ROCK2: variants seen among roughly 807,000 people sequenced by gnomAD.
The protein encoded by ROCK2 is rho-associated protein kinase 2.
A neutral mutation model predicts 195.1 loss-of-function variants in ROCK2; 61 were observed. The ratio of observed to expected loss-of-function variants is 0.31; its 90% CI spans 0.25 to 0.39. The LOEUF is 0.39. Ranked by LOEUF, ROCK2 falls within the 10% of genes least tolerant of loss-of-function variation. The probability of loss-of-function intolerance (pLI) is 1.00; values close to 1 mark genes in which losing one functional copy is unlikely to be tolerated. For synonymous variants in ROCK2, 504 were observed against 545.5 expected (o/e 0.92, Z 1.06); for missense variants, 1,109 against 1,637.4 (o/e 0.68, Z 5.57).
chr2:11,242,288 C>T (rs1313428863), intron 4 of ROCK2, among the ~76,000 whole-genome samples: 1 of 152,070 alleles, frequency 6.6e-6, no homozygotes, highest in Non-Finnish European at 1.5e-5. Flanking sequence ...ACACAAAAGG[C>T]CATTAACCAT....
chr2:11,204,193 G>A (rs1663964137), intron 20 of ROCK2, among the ~76,000 whole-genome samples: 1 of 152,002 alleles, frequency 6.6e-6, no homozygotes, highest in African/African-American at 2.4e-5. Flanking sequence ...ATAAGTTTTA[G>A]ATATTATTTG....
upstream of ROCK2, among the ~76,000 whole-genome samples, chr2:11,345,102 G>C (rs2148288435): frequency 6.6e-6 from 1 of 152,190 alleles, no homozygotes. Context: ...CCAAATAATA[G>C]CGACCGAGCT....
intron 20 of ROCK2, among the ~76,000 whole-genome samples, chr2:11,205,193 T>C (rs1050550661): frequency 2.0e-5 from 3 of 152,160 alleles, no homozygotes; most frequent in Non-Finnish European, 4.4e-5. Flanking sequence ...AAAACCTTAG[T>C]GGTGGGAGGT....
At chr2:11,303,129 T>C (rs1232441245) in intron 1 of ROCK2, among the ~76,000 whole-genome samples, 2 of 152,268 alleles carry the variant, frequency 1.3e-5, no homozygotes, top group South Asian at 2.1e-4. Flanking sequence ...CAAATTTTTA[T>C]CTATTCTTCA....
intron 17 of ROCK2, 67 bp downstream of exon 17, chr2:11,214,290 G>A (rs1190392909): frequency 4.6e-6 from 4 of 876,366 alleles, no homozygotes; most frequent in East Asian, 4.9e-5. Context: ...CCTTAGTTTA[G>A]AATAACTTTT....
At chr2:11,205,207 T>C (rs1011273561) in intron 20 of ROCK2, among the ~76,000 whole-genome samples, 1 of 152,192 alleles carries the variant, frequency 6.6e-6, no homozygotes, top group South Asian at 2.1e-4. Context: ...GGGAGGTGCC[T>C]GGCTGCAGAC....
At chr2:11,209,259 T>C (rs1664167629) in intron 18 of ROCK2, among the ~76,000 whole-genome samples, 1 of 152,152 alleles carries the variant, frequency 6.6e-6, no homozygotes, top group African/African-American at 2.4e-5. Flanking sequence ...AAACCCTGGG[T>C]CTAACACTGT....
chr2:11,250,253 G>A (rs1665784436), intron 3 of ROCK2, among the ~76,000 whole-genome samples: 1 of 152,098 alleles, frequency 6.6e-6, no homozygotes. Flanking sequence ...GGATACCTAT[G>A]ATTTTGTTAA....
chr2:11,296,004 A>AGGAGAGAGAGAGAGAGGGGAGAGGG (rs1667515314), intron 1 of ROCK2, among the ~76,000 whole-genome samples: 2 of 32,816 alleles, frequency 6.1e-5, no homozygotes, highest in Non-Finnish European at 5.7e-5. Context: ...AGAGAGAGAG[A>AGGAGAGAGAGAGAGAGGGGAGAGGG]GGAGAGAGAG....
At chr2:11,289,373 A>G (rs1042338399) in intron 1 of ROCK2, among the ~76,000 whole-genome samples, 2 of 152,200 alleles carry the variant, frequency 1.3e-5, no homozygotes, top group African/African-American at 4.8e-5. Context: ...CTTTATTAGT[A>G]TAATTTTGAT....
chr2:11,312,425 T>C (rs954082118), intron 1 of ROCK2, among the ~76,000 whole-genome samples: 2 of 151,786 alleles, frequency 1.3e-5, no homozygotes, highest in African/African-American at 4.8e-5. Flanking sequence ...TCCTTAAAAA[T>C]CCCCCTCTCC....
chr2:11,343,934 G>A, intron 1 of ROCK2, 62 bp downstream of exon 1: 1 of 1,536,464 alleles, frequency 6.5e-7, no homozygotes, highest in Non-Finnish European at 8.7e-7. Flanking sequence ...CGGAGGGCTG[G>A]GCGGAGAGGG....
chr2:11,283,535 T>A (rs1257329423), intron 3 of ROCK2, among the ~76,000 whole-genome samples: 1 of 124,698 alleles, frequency 8.0e-6, no homozygotes, highest in East Asian at 2.4e-4. Context: ...CAGTCCGCAG[T>A]CCGGCCTGGG....
Position 11,235,762 on chromosome 2 carries a change from G to C in ROCK2, c.663C>G (p.Leu221=). 6.2e-7 allele frequency: 1 copy of C among 1,613,742 alleles called. No homozygotes were observed. The highest frequency in any genetic ancestry group is 8.5e-7 in the Non-Finnish European group (1 of 1,179,864). The part of the protein sequence containing the change: ...IHRDVKPDNM[L]LDKHGHLKLA... The stretch of plus-strand genomic sequence containing the variant: ...ATTTTAGATGTCCATGTTTATCCAA[G>C]AGCATGTTGTCAGGCTTCACATCTC... Residue 221 remains leucine, a synonymous_variant, in exon 5 of 33, where the codon CTC becomes CTG. Transcript: ENST00000315872. The surrounding 1 kb of genome is among the most constrained non-coding windows in gnomAD (Gnocchi z 4.2).
chr2:11,196,638 A>C, intron 27 of ROCK2, among the ~76,000 whole-genome samples: 1 of 152,214 alleles, frequency 6.6e-6, no homozygotes, highest in East Asian at 1.9e-4. Flanking sequence ...GACTAAAATT[A>C]AGGGTAGTGG....
In ROCK2 at chr2:11,217,087, T is replaced by C. The variant is rs761165442; in HGVS notation, c.1412+3A>G. 1 of 1,415,358 alleles carries C rather than the reference T, an allele frequency of 7.1e-7. No homozygotes were observed. The highest frequency in any genetic ancestry group is 1.0e-6 in the Non-Finnish European group (1 of 1,003,260). The allele number at this position is 1,415,358 out of a possible 1,614,324, so 87.7% of individuals were successfully genotyped here. On this transcript the variant is annotated splice_donor_region_variant and intron_variant, in intron 12 of 32. Transcript: ENST00000315872. ...GTAATATTTAATTATCTACAAAACA[T>C]ACTTGCACTTCTGTTCCAGTTCCTC... is the stretch of plus-strand genomic sequence containing the variant.
chr2:11,342,200 G>A (rs1669127778), intron 1 of ROCK2, among the ~76,000 whole-genome samples: 1 of 152,154 alleles, frequency 6.6e-6, no homozygotes, highest in Non-Finnish European at 1.5e-5. Flanking sequence ...TAACCAACTA[G>A]AAACAGCAAT....
chr2:11,204,158 CT>C (rs1414567702), intron 20 of ROCK2, among the ~76,000 whole-genome samples: 1 of 152,082 alleles, frequency 6.6e-6, no homozygotes, highest in Non-Finnish European at 1.5e-5. Context: ...TGTGTTTTAT[CT>C]TTTGGTGGTT....
intron 20 of ROCK2, 23 bp from the exon 21 acceptor site, chr2:11,202,144 G>A: frequency 6.3e-7 from 1 of 1,591,216 alleles, no homozygotes; most frequent in Non-Finnish European, 8.6e-7. Context: ...TGAATCAAAG[G>A]TTTAAATAAC....
Sources: allele counts gnomAD v4.1 joint callset (sites outside exome capture counted in the v4.1 genomes callset), GRCh38; gene constraint gnomAD v4.1.1; non-coding constraint Gnocchi (gnomAD v3.1); transcripts MANE v1.5; gene names NCBI Gene and HGNC (gene_info 2026-07-23, HGNC 2026-07-21).